The following ARHGAP39 variants were observed in gnomAD, a reference collection of about 807,000 sequenced individuals.
ARHGAP39 encodes the protein Rho GTPase activating protein 39.
A neutral mutation model predicts 106.9 loss-of-function variants in ARHGAP39; 44 were observed. The ratio of observed to expected loss-of-function variants is 0.41; its 90% CI spans 0.32 to 0.53. The LOEUF (loss-of-function observed/expected upper bound fraction) is 0.53, where lower values mean the gene tolerates loss of function less well. Ranked by LOEUF, ARHGAP39 falls within the 20% of genes least tolerant of loss-of-function variation. ARHGAP39 has a pLI of 0.21. For synonymous variants in ARHGAP39, 768 were observed against 693.2 expected (o/e 1.11, Z -1.69); for missense variants, 1,496 against 1,577.3 (o/e 0.95, Z 0.87).
chr8:144,612,809 C>T (rs1820528042), intron 1 of ARHGAP39, among the ~76,000 whole-genome samples: 1 of 152,184 alleles, frequency 6.6e-6, no homozygotes, highest in African/African-American at 2.4e-5. Context: ...GCCACGGCTG[C>T]ACCACTGCAC....
intron 3 of ARHGAP39, among the ~76,000 whole-genome samples, chr8:144,567,911 A>G (rs1030574790): frequency 1.3e-5 from 2 of 152,008 alleles, no homozygotes; most frequent in Non-Finnish European, 2.9e-5. Flanking sequence ...CCTGGCATTC[A>G]GGGCCACTAC....
At chr8:144,675,907 T>C (rs904386474) in intron 1 of ARHGAP39, among the ~76,000 whole-genome samples, 2 of 152,142 alleles carry the variant, frequency 1.3e-5, no homozygotes, top group African/African-American at 2.4e-5. Flanking sequence ...CTGCAGACCT[T>C]CGCGGTGAGT....
At chr8:144,630,590 C>CATTTCCT (rs1400347116) in intron 1 of ARHGAP39, among the ~76,000 whole-genome samples, 1 of 152,240 alleles carries the variant, frequency 6.6e-6, no homozygotes, top group Admixed American at 6.5e-5. Context: ...CTCTCCTCTT[C>CATTTCCT]ATTTCCTATT....
chr8:144,551,744 C>T (rs1000497947), intron 4 of ARHGAP39, among the ~76,000 whole-genome samples: 2 of 152,186 alleles, frequency 1.3e-5, no homozygotes, highest in African/African-American at 4.8e-5. Flanking sequence ...CAGGCCCCAC[C>T]GACTGTCATT....
intron 1 of ARHGAP39, among the ~76,000 whole-genome samples, chr8:144,642,957 G>T (rs111496736): frequency 0.011 from 1,671 of 152,036 alleles, 30 homozygotes; most frequent in African/African-American, 0.038. Context: ...AGGCTGCCGT[G>T]AGCCGACATC....
At chr8:144,568,812 A>G (rs1818488970) in intron 3 of ARHGAP39, among the ~76,000 whole-genome samples, 1 of 152,194 alleles carries the variant, frequency 6.6e-6, no homozygotes, top group Non-Finnish European at 1.5e-5. Context: ...AAAGAGCCAT[A>G]ATTAAGAATC....
intron 1 of ARHGAP39, among the ~76,000 whole-genome samples, chr8:144,649,191 C>T (rs1314663304): frequency 2.0e-5 from 3 of 152,102 alleles, no homozygotes; most frequent in Non-Finnish European, 2.9e-5. Context: ...CGCCTATAAT[C>T]CCAGCACTTT....
At chr8:144,570,828 C>G (rs769427522) in intron 3 of ARHGAP39, among the ~76,000 whole-genome samples, 3 of 152,134 alleles carry the variant, frequency 2.0e-5, no homozygotes, top group Non-Finnish European at 4.4e-5. Flanking sequence ...GAAATACAAA[C>G]TACCATCAGA....
intron 1 of ARHGAP39, among the ~76,000 whole-genome samples, chr8:144,624,430 G>T (rs1257015344): frequency 2.6e-5 from 4 of 152,356 alleles, no homozygotes; most frequent in Non-Finnish European, 1.5e-5. Flanking sequence ...ATTTCTCTCT[G>T]ATCAATCACA....
At chr8:144,688,781 T>C (rs1822686238), upstream of ARHGAP39, among the ~76,000 whole-genome samples, 1 of 152,182 alleles carries the variant, frequency 6.6e-6, no homozygotes, top group South Asian at 2.1e-4. Flanking sequence ...GACCAGGTGG[T>C]ATAACATAGT....
Position 144,548,569 on chromosome 8 carries a change from C to A in ARHGAP39, c.597-80G>T. On this transcript the variant is annotated intron_variant, in intron 4 of 11. Transcript: ENST00000377307. This position sits in a 1 kb window ranked among gnomAD's most constrained non-coding sequence, Gnocchi z 7.4. ...GCCCCACCCCCTCGGGGGCTGTAGG[C>A]AGCGGCTCCCGCGAACCCTCTGTTG... 1 of 1,507,150 alleles carries A rather than the reference C, an allele frequency of 6.6e-7. No individual in the cohort carries two copies. Among genetic ancestry groups the A allele is most frequent in the African/African-American group, 1.4e-5 (1 of 72,712 alleles). The allele number at this position is 1,507,150 out of a possible 1,614,324, so 93.4% of individuals were successfully genotyped here.
In ARHGAP39 at chr8:144,647,269, C is replaced by T. The variant is rs1053429977; in HGVS notation, c.-82+38417G>A. Among the ~76,000 whole-genome samples, 9 of 152,224 alleles carry T rather than the reference C, an allele frequency of 5.9e-5. No individual in the cohort carries two copies. Among genetic ancestry groups the T allele is most frequent in the Admixed American group, 2.6e-4 (4 of 15,290 alleles). Reference sequence around the variant, plus strand: ...GCCGTGAGCCACTGCGCCCGGCCTGCTCTGACCCTTCTTAAAGCTCGAGCA... The same window carrying T: ...GCCGTGAGCCACTGCGCCCGGCCTGTTCTGACCCTTCTTAAAGCTCGAGCA... On this transcript the variant is annotated intron_variant, in intron 1 of 11. Transcript: ENST00000377307. The surrounding 1 kb of genome is among the most constrained non-coding windows in gnomAD (Gnocchi z 4.8).
intron 3 of ARHGAP39, among the ~76,000 whole-genome samples, chr8:144,573,817 C>T (rs529997066): frequency 3.3e-5 from 5 of 152,060 alleles, no homozygotes; most frequent in South Asian, 4.2e-4. Context: ...AGAACGAAAA[C>T]GAAAAATAAA....
chr8:144,658,842 A>T (rs1412235512), intron 1 of ARHGAP39, among the ~76,000 whole-genome samples: 1 of 152,210 alleles, frequency 6.6e-6, no homozygotes, highest in African/African-American at 2.4e-5. Flanking sequence ...TATGTAAAAA[A>T]ATTAAAACAT....
chr8:144,603,133 G>A (rs1586605119), intron 2 of ARHGAP39, among the ~76,000 whole-genome samples: 1 of 143,390 alleles, frequency 7.0e-6, no homozygotes, highest in East Asian at 2.1e-4. Flanking sequence ...GTGTGTGCTG[G>A]TGTACCTGTG....
chr8:144,545,256 G>A lies in ARHGAP39; in HGVS notation c.2514C>T (p.Asp838=), dbSNP rs2130837774. 1 of 1,538,188 alleles carries A rather than the reference G, an allele frequency of 6.5e-7. No homozygotes were observed. The highest frequency in any genetic ancestry group is 1.2e-5 in the South Asian group (1 of 81,840). The stretch of plus-strand genomic sequence containing the variant: ...GCCCGTGCATGGCCTTACCTTTAGT[G>A]TCATTGACGGGGTCCATGTGCCGGT... ...YIYRHMDPVN[D]TKVTQHIKEL... Residue 838 remains aspartate, a synonymous_variant, in exon 6 of 12, where the codon GAC becomes GAT. Transcript: ENST00000377307.
chr8:144,538,824 G>A (rs931668060), intron 6 of ARHGAP39, among the ~76,000 whole-genome samples: 3 of 151,848 alleles, frequency 2.0e-5, no homozygotes, highest in Non-Finnish European at 2.9e-5. Flanking sequence ...ACCCACCTCG[G>A]CCTCCCAAAG....
At chr8:144,609,524 C>A (rs1820413967) in intron 1 of ARHGAP39, among the ~76,000 whole-genome samples, 1 of 151,554 alleles carries the variant, frequency 6.6e-6, no homozygotes, top group Admixed American at 6.6e-5. Context: ...GCCTCAGCCT[C>A]CCAAGTAGGT....
At chr8:144,561,195 C>T (rs934595578) in intron 3 of ARHGAP39, among the ~76,000 whole-genome samples, 6 of 150,314 alleles carry the variant, frequency 4.0e-5, no homozygotes, top group Non-Finnish European at 9.0e-5. Context: ...CAGTTTCCAT[C>T]GGACTCACCC....
Sources: allele counts gnomAD v4.1 joint callset (sites outside exome capture counted in the v4.1 genomes callset), GRCh38; gene constraint gnomAD v4.1.1; non-coding constraint Gnocchi (gnomAD v3.1); transcripts MANE v1.5; gene names NCBI Gene and HGNC (gene_info 2026-07-23, HGNC 2026-07-21).